The following TAFA1 variants were observed in gnomAD, a reference collection of about 807,000 sequenced individuals.
TAFA1 encodes TAFA chemokine like family member 1.
TAFA1 carries 4 observed loss-of-function variants against 18.5 expected under a neutral mutation model. The ratio of observed to expected loss-of-function variants is 0.22; its 90% CI spans 0.11 to 0.49. The LOEUF (loss-of-function observed/expected upper bound fraction) is 0.49, where lower values mean the gene tolerates loss of function less well. TAFA1 is among the 20% of genes least tolerant of loss of function. TAFA1 has a pLI of 0.98. For synonymous variants in TAFA1, 56 were observed against 55.2 expected, an observed-to-expected ratio of 1.01 and a Z score of -0.06; for missense variants, 147 against 169.0, an observed-to-expected ratio of 0.87 and a Z score of 0.72.
At chr3:68,228,833 C>T (rs764382744) in intron 2 of TAFA1, among the ~76,000 whole-genome samples, 13 of 152,198 alleles carry the variant, frequency 8.5e-5, no homozygotes, top group Non-Finnish European at 1.5e-4. Flanking sequence ...ATGAGAATGG[C>T]ACCCTTCCTC....
chr3:68,110,302 T>C (rs1237428980), intron 2 of TAFA1, among the ~76,000 whole-genome samples: 4 of 152,218 alleles, frequency 2.6e-5, no homozygotes, highest in Admixed American at 2.6e-4. Flanking sequence ...GCAAAGAACA[T>C]GAGCTCATTC....
At chr3:68,266,215 GGTC>G (rs1228546227) in intron 2 of TAFA1, among the ~76,000 whole-genome samples, 1 of 152,124 alleles carries the variant, frequency 6.6e-6, no homozygotes, top group Admixed American at 6.6e-5. Flanking sequence ...CAGCCAGGAT[GGTC>G]ATTTAAGCTT....
At chr3:68,133,490 G>T (rs1262969099) in intron 2 of TAFA1, among the ~76,000 whole-genome samples, 1 of 152,050 alleles carries the variant, frequency 6.6e-6, no homozygotes, top group Non-Finnish European at 1.5e-5. Context: ...TTATTCTTCT[G>T]ATCCATGAAC....
intron 2 of TAFA1, among the ~76,000 whole-genome samples, chr3:68,376,660 G>A (rs2069824638): frequency 1.3e-5 from 2 of 152,236 alleles, no homozygotes; most frequent in Non-Finnish European, 2.9e-5. Flanking sequence ...CTACCATGAG[G>A]GGCATTTAAG....
At chr3:68,262,346 T>C (rs1372854386) in intron 2 of TAFA1, among the ~76,000 whole-genome samples, 2 of 97,124 alleles carry the variant, frequency 2.1e-5, no homozygotes, top group Non-Finnish European at 4.1e-5. Flanking sequence ...TATATATATA[T>C]ATATATATAT....
intron 2 of TAFA1, among the ~76,000 whole-genome samples, chr3:68,113,169 A>G (rs985015634): frequency 6.6e-6 from 1 of 152,218 alleles, no homozygotes; most frequent in African/African-American, 2.4e-5. Flanking sequence ...CCCAAGATTT[A>G]TTTGAACACT....
intron 2 of TAFA1, among the ~76,000 whole-genome samples, chr3:68,110,049 G>A (rs908896532): frequency 2.0e-5 from 3 of 152,082 alleles, no homozygotes; most frequent in Admixed American, 6.6e-5. Flanking sequence ...CGTGTGCCAT[G>A]GGGGTTTGCT....
chr3:68,435,655 G>T (rs2071255722), intron 3 of TAFA1, among the ~76,000 whole-genome samples: 1 of 152,094 alleles, frequency 6.6e-6, no homozygotes. Context: ...CAGTTTTGCT[G>T]GCAAAAACTA....
chr3:68,094,114 G>T (rs537142624), intron 2 of TAFA1, among the ~76,000 whole-genome samples: 2 of 152,126 alleles, frequency 1.3e-5, no homozygotes, highest in East Asian at 1.9e-4. Flanking sequence ...CCATTAGAGT[G>T]GGGGGTGGAT....
At chr3:68,399,260 C>T (rs147304659) in intron 2 of TAFA1, among the ~76,000 whole-genome samples, 2 of 152,236 alleles carry the variant, frequency 1.3e-5, no homozygotes, top group Non-Finnish European at 2.9e-5. Flanking sequence ...GAAATGTATC[C>T]ATTTTACATG....
At chr3:68,380,327 C>T (rs1208438176) in intron 2 of TAFA1, among the ~76,000 whole-genome samples, 1 of 152,086 alleles carries the variant, frequency 6.6e-6, no homozygotes, top group Non-Finnish European at 1.5e-5. Flanking sequence ...GTTCTAGATC[C>T]CTGAGGAATT....
intron 2 of TAFA1, among the ~76,000 whole-genome samples, chr3:68,241,649 G>T (rs1369607850): frequency 6.6e-6 from 1 of 152,086 alleles, no homozygotes; most frequent in Non-Finnish European, 1.5e-5. Flanking sequence ...TGGATCATCA[G>T]TTTTCCTTAT....
At chr3:68,265,202 C>A (rs186009854) in intron 2 of TAFA1, among the ~76,000 whole-genome samples, 9 of 152,158 alleles carry the variant, frequency 5.9e-5, no homozygotes, top group Middle Eastern at 3.2e-3. Flanking sequence ...AGGCTCTGAT[C>A]CCTTAGATCT....
intron 2 of TAFA1, among the ~76,000 whole-genome samples, chr3:68,045,803 G>A (rs775329285): frequency 2.4e-4 from 37 of 152,152 alleles, no homozygotes; most frequent in East Asian, 3.9e-4. Context: ...CATTCATTTC[G>A]TTATTTTTCA....
intron 2 of TAFA1, among the ~76,000 whole-genome samples, chr3:68,077,628 G>C (rs1268169092): frequency 1.3e-5 from 2 of 152,054 alleles, no homozygotes; most frequent in Middle Eastern, 3.4e-3. Context: ...TAGATATGTG[G>C]CGTTATTTCT....
At chr3:68,161,578 T>C (rs900287830) in intron 2 of TAFA1, among the ~76,000 whole-genome samples, 1 of 152,222 alleles carries the variant, frequency 6.6e-6, no homozygotes, top group Admixed American at 6.5e-5. Flanking sequence ...CTTAAAAATA[T>C]AATTCATTTT....
chr3:68,270,264 T>C (rs72924568), intron 2 of TAFA1, among the ~76,000 whole-genome samples: 26,358 of 152,098 alleles, frequency 0.17, 2,772 homozygotes, highest in East Asian at 0.5. Context: ...TGGTGGGTAC[T>C]CAGTGGGGTT....
intron 2 of TAFA1, among the ~76,000 whole-genome samples, chr3:68,012,132 C>T (rs573261214): frequency 3.3e-5 from 5 of 152,150 alleles, no homozygotes; most frequent in South Asian, 2.1e-4. Flanking sequence ...AAACTTTCTG[C>T]GAAAGTATCA....
chr3:68,289,835 T>C (rs2068077446), intron 2 of TAFA1, among the ~76,000 whole-genome samples: 1 of 152,172 alleles, frequency 6.6e-6, no homozygotes, highest in African/African-American at 2.4e-5. Context: ...GCAAGAGATT[T>C]GTGGAGCAAA....
Sources: allele counts gnomAD v4.1 joint callset (sites outside exome capture counted in the v4.1 genomes callset), GRCh38; gene constraint gnomAD v4.1.1; transcripts MANE v1.5; gene names NCBI Gene and HGNC (gene_info 2026-07-23, HGNC 2026-07-21).